SLC9A1: variants seen among roughly 807,000 people sequenced by gnomAD.
SLC9A1 encodes the protein sodium/hydrogen exchanger 1.
A neutral mutation model predicts 67.9 loss-of-function variants in SLC9A1; 22 were observed. That is an observed-to-expected ratio of 0.32 (90% CI 0.23 to 0.46). The LOEUF is 0.46. Among genes scored for constraint, SLC9A1 ranks in the 20% least tolerant of loss-of-function variants. The pLI is 1.00. For missense variants in SLC9A1, 686 were observed against 1,094.8 expected (o/e 0.63, Z 5.27); for synonymous variants, 421 against 471.8 (o/e 0.89, Z 1.40).
At position 27,118,026 on chromosome 1, in the gene SLC9A1, C is replaced by G. The variant is rs2083282954; in HGVS notation, c.353-3740G>C. The stretch of plus-strand genomic sequence containing the variant: ...CTATTGAACACAAGAAAAACGAGCT[C>G]TGAGAGGAGGCTGCATGCACTCAGC... On this transcript the variant is annotated intron_variant, in intron 1 of 11. Coordinates refer to ENST00000263980, the MANE Select transcript of SLC9A1 (RefSeq NM_003047.5). This position sits in a 1 kb window ranked among gnomAD's most constrained non-coding sequence, Gnocchi z 4.3. Among the ~76,000 whole-genome samples, 1 of 152,156 alleles carries G rather than the reference C, an allele frequency of 6.6e-6. No individual in the cohort carries two copies. Among genetic ancestry groups the G allele is most frequent in the Non-Finnish European group, 1.5e-5 (1 of 68,030 alleles).
In SLC9A1 at chr1:27,137,848, T is replaced by G. The variant is rs570975214; in HGVS notation, c.352+16135A>C. Among the ~76,000 whole-genome samples the G allele has an allele frequency of 3.3e-5, 5 of 152,270 alleles. No individual in the cohort carries two copies. Among genetic ancestry groups the G allele is most frequent in the African/African-American group, 1.2e-4 (5 of 41,570 alleles). On this transcript the variant is annotated intron_variant, in intron 1 of 11. Transcript: ENST00000263980. This position sits in a 1 kb window ranked among gnomAD's most constrained non-coding sequence, Gnocchi z 4.6. ...CCACTCAGCCCCTCCCTCCCCAATG[T>G]GCCCCTGACTCCACGCCCACTCTGC... is the stretch of plus-strand genomic sequence containing the variant.
chr1:27,138,894 C>A lies in SLC9A1; in HGVS notation c.352+15089G>T, dbSNP rs57767146. ...GGTTTACAGGTCTCAAAGCTCCCTGCGGCTGCTCTGGGGAGAGCTGCCTGC... is the reference window on the plus strand; with the variant it reads ...GGTTTACAGGTCTCAAAGCTCCCTGAGGCTGCTCTGGGGAGAGCTGCCTGC... On this transcript the variant is annotated intron_variant, in intron 1 of 11. Coordinates refer to ENST00000263980, the MANE Select transcript of SLC9A1 (RefSeq NM_003047.5). 3.6e-4 allele frequency among the ~76,000 whole-genome samples: 55 copies of A among 152,180 alleles called. No homozygotes were observed. The South Asian group carries it at 3.9e-3, about 11-fold the overall frequency.
intron 2 of SLC9A1, 38 bp downstream of exon 2, chr1:27,113,788 T>C: frequency 6.5e-7 from 1 of 1,534,608 alleles, no homozygotes; most frequent in Non-Finnish European, 8.9e-7. Context: ...TTTGGGTTTG[T>C]ACCGTTTGGA....
intron 1 of SLC9A1, among the ~76,000 whole-genome samples, chr1:27,115,368 G>C (rs2083257612): frequency 6.6e-6 from 1 of 152,176 alleles, no homozygotes; most frequent in Non-Finnish European, 1.5e-5. Flanking sequence ...GGTATGGCCA[G>C]AGAACCCTGA....
chr1:27,134,641 T>A (rs1419424008), intron 1 of SLC9A1, among the ~76,000 whole-genome samples: 2 of 152,132 alleles, frequency 1.3e-5, no homozygotes, highest in Non-Finnish European at 2.9e-5. Flanking sequence ...CATCCCAGAC[T>A]CTCCCCTCTT....
chr1:27,129,691 G>A (rs1163956605), intron 1 of SLC9A1, among the ~76,000 whole-genome samples: 2 of 152,190 alleles, frequency 1.3e-5, no homozygotes, highest in Non-Finnish European at 2.9e-5. Context: ...CAGCAAAGTG[G>A]TAGCAGAGCT....
In SLC9A1 at chr1:27,148,426, A is replaced by C. The variant is rs116272924; in HGVS notation, c.352+5557T>G. On this transcript the variant is annotated intron_variant, in intron 1 of 11. Transcript: ENST00000263980. ...CCTCCTGACAACAATCCAGGTTACC[A>C]ATGTGGATGTGTCTGGTCATTGACT... is the stretch of plus-strand genomic sequence containing the variant. Among the ~76,000 whole-genome samples, 683 of 152,124 alleles carry C rather than the reference A, an allele frequency of 4.5e-3. 4 individuals carry two copies. Among genetic ancestry groups the C allele is most frequent in the African/African-American group, 0.016 (649 of 41,502 alleles).
At position 27,100,674 on chromosome 1, in the gene SLC9A1, G is replaced by C; in HGVS notation, c.2111-30C>G. The stretch of plus-strand genomic sequence containing the variant: ...GGACCAAGAGCAAGGCACAAGCTGG[G>C]TTCCGCTCTGGAGCCCGGCCCAGCA... On this transcript the variant is annotated intron_variant, in intron 11 of 11. Transcript: ENST00000263980. The surrounding 1 kb of genome is among the most constrained non-coding windows in gnomAD (Gnocchi z 5.6). The C allele has an allele frequency of 6.4e-7, 1 of 1,562,494 alleles. No homozygotes were observed. Among genetic ancestry groups the C allele is most frequent in the Non-Finnish European group, 8.7e-7 (1 of 1,150,192 alleles).
At chr1:27,131,005 G>A (rs980152022) in intron 1 of SLC9A1, among the ~76,000 whole-genome samples, 8 of 152,238 alleles carry the variant, frequency 5.3e-5, no homozygotes, top group Admixed American at 3.3e-4. Flanking sequence ...AGATAAGGAA[G>A]CCTTTGTCAG....
chr1:27,111,247 G>A (rs920007336), intron 2 of SLC9A1, among the ~76,000 whole-genome samples: 17 of 152,136 alleles, frequency 1.1e-4, no homozygotes, highest in African/African-American at 3.9e-4. Flanking sequence ...GGTCCTCATG[G>A]TCTACCACAT....
Position 27,102,134 on chromosome 1 carries a change from G to C in SLC9A1, c.1821-4C>G. 1 of 1,603,600 alleles carries C rather than the reference G, an allele frequency of 6.2e-7. No individual in the cohort carries two copies. The highest frequency in any genetic ancestry group is 8.5e-7 in the Non-Finnish European group (1 of 1,170,620). ...CAGGGACTTGGGGTGGATGTTCCTG[G>C]GGCAATAGGGCATCGGTTAGGTCCC... On this transcript the variant is annotated splice_polypyrimidine_tract_variant and splice_region_variant and intron_variant, in intron 8 of 11. Transcript: ENST00000263980.
chr1:27,131,874 C>T (rs561632018), intron 1 of SLC9A1, among the ~76,000 whole-genome samples: 22 of 144,766 alleles, frequency 1.5e-4, no homozygotes, highest in South Asian at 6.5e-4. Flanking sequence ...TGAGCATAGA[C>T]GGCACCACTG....
chr1:27,139,801 T>C (rs1177956296), intron 1 of SLC9A1, among the ~76,000 whole-genome samples: 1 of 150,954 alleles, frequency 6.6e-6, no homozygotes, highest in Admixed American at 6.6e-5. Context: ...CTCATTGTTT[T>C]TTTTTTTTTT....
intron 5 of SLC9A1, 198 bp downstream of exon 5, chr1:27,105,687 G>T: frequency 1.4e-6 from 1 of 715,930 alleles, no homozygotes; most frequent in South Asian, 1.5e-5. Context: ...ACTCTGCAAT[G>T]ACTCATCACA....
At position 27,114,146 on chromosome 1, in the gene SLC9A1, G is replaced by C; in HGVS notation, c.493C>G (p.Leu165Val). ...FLQSDVFFLF[L>V]LPPIILDAGY... is the part of the protein sequence containing the mutation. ...GCATCCAGGATGATGGGCGGCAGCA[G>C]GAAGAGGAAGAAGACGTCGGACTGC... Residue 165 changes from leucine (L) to valine (V), a missense_variant, in exon 2 of 12, where the codon CTG becomes GTG. By Grantham distance (32) the Leu-to-Val change is conservative. Coordinates refer to ENST00000263980, the MANE Select transcript of SLC9A1 (RefSeq NM_003047.5). This position sits in a 1 kb window ranked among gnomAD's most constrained non-coding sequence, Gnocchi z 5.4. 1.2e-6 allele frequency: 2 copies of C among 1,614,208 alleles called. No homozygotes were observed. Among genetic ancestry groups the C allele is most frequent in the Non-Finnish European group, 1.7e-6 (2 of 1,180,042 alleles).
At chr1:27,152,020 C>A (rs967440101) in intron 1 of SLC9A1, among the ~76,000 whole-genome samples, 2 of 152,100 alleles carry the variant, frequency 1.3e-5, no homozygotes, top group Admixed American at 1.3e-4. Flanking sequence ...TGGAAGGGAC[C>A]ACAAAGATCA....
In SLC9A1 at chr1:27,152,478, C is replaced by T. The variant is rs11247614; in HGVS notation, c.352+1505G>A. Among the ~76,000 whole-genome samples, 919 of 152,232 alleles carry T rather than the reference C, an allele frequency of 6.0e-3. 12 individuals are homozygous for T. Among genetic ancestry groups the T allele is most frequent in the African/African-American group, 0.02 (833 of 41,534 alleles). On this transcript the variant is annotated intron_variant, in intron 1 of 11. Transcript: ENST00000263980. ...CTTCAGCTTCTTACAGCAAATCAGA[C>T]GACATTTCATGACTCAATTGGTGTG...
chr1:27,121,126 G>A (rs2083301950), intron 1 of SLC9A1, among the ~76,000 whole-genome samples: 1 of 152,116 alleles, frequency 6.6e-6, no homozygotes, highest in African/African-American at 2.4e-5. Context: ...CGGGCAATCA[G>A]TCTCTCTCTG....
chr1:27,141,543 T>A (rs912412709), intron 1 of SLC9A1, among the ~76,000 whole-genome samples: 1 of 152,226 alleles, frequency 6.6e-6, no homozygotes, highest in Non-Finnish European at 1.5e-5. Flanking sequence ...CTCTCCCACC[T>A]CTAAACTCCC....
Sources: gnomAD v4.1 joint callset for allele counts (sites outside exome capture counted in the v4.1 genomes callset) on GRCh38, gnomAD v4.1.1 for gene constraint, Gnocchi (gnomAD v3.1) non-coding constraint, MANE v1.5 for transcripts, NCBI Gene and HGNC (gene_info 2026-07-23, HGNC 2026-07-21) for gene names.